Variants in TNC observed in about 807,000 individuals in gnomAD.
The protein encoded by TNC is tenascin C.
A neutral mutation model predicts 202.4 loss-of-function variants in TNC; 109 were observed. The observed-to-expected ratio is 0.54, with a 90% confidence interval of 0.46 to 0.63. The LOEUF (loss-of-function observed/expected upper bound fraction) is 0.63. TNC is among the 30% of genes least tolerant of loss of function. TNC has a pLI of 0.00. For synonymous variants in TNC, 1,007 were observed against 1,089.7 expected (o/e 0.92, Z 1.50); for missense variants, 2,756 against 2,833.3 (o/e 0.97, Z 0.62).
intron 1 of TNC, among the ~76,000 whole-genome samples, chr9:115,095,638 GTATATATATATGTATATATATGTA>G (rs1835710356): frequency 2.6e-4 from 1 of 3,888 alleles, no homozygotes; most frequent in African/African-American, 1.1e-3. Context: ...GTATATATAT[GTATATATATATGTATATATATGTA>G]TATATATATG....
chr9:115,040,237 A>G (rs1330991540), intron 19 of TNC, among the ~76,000 whole-genome samples: 2 of 152,158 alleles, frequency 1.3e-5, no homozygotes, highest in African/African-American at 4.8e-5. Flanking sequence ...GCATTTACTA[A>G]TTATGTGGGC....
intron 19 of TNC, among the ~76,000 whole-genome samples, chr9:115,039,561 T>G (rs1039409124): frequency 6.6e-6 from 1 of 152,226 alleles, no homozygotes; most frequent in African/African-American, 2.4e-5. Flanking sequence ...GACCATTTCC[T>G]CTTGCTTTTG....
chr9:115,059,465 A>G (rs1247102813), intron 14 of TNC, among the ~76,000 whole-genome samples: 2 of 152,192 alleles, frequency 1.3e-5, no homozygotes. Flanking sequence ...ATCATTCAAA[A>G]AAGATGTAGA....
chr9:115,048,426 C>T lies in TNC; in HGVS notation c.4686G>A (p.Thr1562=), dbSNP rs778311258. Residue 1562 remains threonine, a synonymous_variant, in exon 16 of 28, where the codon ACG becomes ACA. Transcript: ENST00000350763. ...SENAFDSFLV[T]VVDSGKLLDP... Reference sequence around the variant, plus strand: ...CCAGCAGCTTCCCAGAATCCACCACCGTTACTAGAAAGCTGTCAAAGGCAT... The same window carrying T: ...CCAGCAGCTTCCCAGAATCCACCACTGTTACTAGAAAGCTGTCAAAGGCAT... The T allele has an allele frequency of 3.7e-6, 6 of 1,613,996 alleles. No homozygotes were observed. The highest frequency in any genetic ancestry group is 2.2e-5 in the South Asian group (2 of 91,068).
intron 25 of TNC, among the ~76,000 whole-genome samples, chr9:115,027,820 A>G (rs1260934352): frequency 6.6e-6 from 1 of 152,104 alleles, no homozygotes; most frequent in Non-Finnish European, 1.5e-5. Context: ...ATTTCAGCTC[A>G]ACTGTTCATT....
At chr9:115,072,280 T>C (rs1174907116) in intron 10 of TNC, among the ~76,000 whole-genome samples, 1 of 152,228 alleles carries the variant, frequency 6.6e-6, no homozygotes, top group Non-Finnish European at 1.5e-5. Context: ...ACAGCAGCCA[T>C]GTTGTGACAC....
intron 5 of TNC, 48 bp downstream of exon 5, chr9:115,082,644 C>T (rs1304493497): frequency 1.4e-6 from 2 of 1,415,502 alleles, no homozygotes; most frequent in Non-Finnish European, 2.0e-6. Context: ...CTTTGGTCAT[C>T]TTTCAAATCC....
intron 1 of TNC, among the ~76,000 whole-genome samples, chr9:115,098,349 A>T (rs959441526): frequency 1.5e-4 from 23 of 152,144 alleles, no homozygotes; most frequent in African/African-American, 5.6e-4. Context: ...CTTGCTGTCA[A>T]ATCCTTCTTT....
rs772093660 is a variant in TNC, at chr9:115,041,054, G to A, written c.5279C>T (p.Thr1760Ile). 1.2e-6 allele frequency: 2 copies of A among 1,614,028 alleles called. No individual in the cohort carries two copies. Among genetic ancestry groups the A allele is most frequent in the East Asian group, 2.2e-5 (1 of 44,878 alleles). ...TTTCACCAGCCTGGTCTGAGTCTTGGTTCCGTCCACAGTTACCATGGAGGG... is the reference window on the plus strand; with the variant it reads ...TTTCACCAGCCTGGTCTGAGTCTTGATTCCGTCCACAGTTACCATGGAGGG... ...GTPSMVTVDG[T>I]KTQTRLVKLI... The change falls in exon 19 of 28, where the codon ACC becomes ATC. Residue 1760 changes from threonine to isoleucine, a missense_variant. Coordinates refer to ENST00000350763, the MANE Select transcript of TNC (RefSeq NM_002160.4).
At chr9:115,070,745 T>G (rs1051298180) in intron 10 of TNC, among the ~76,000 whole-genome samples, 6 of 152,154 alleles carry the variant, frequency 3.9e-5, no homozygotes, top group Non-Finnish European at 8.8e-5. Flanking sequence ...AGCTGGAAGG[T>G]TCTTGCTTCT....
intron 15 of TNC, 133 bp from the exon 16 acceptor site, chr9:115,048,665 A>C: frequency 1.1e-6 from 1 of 918,410 alleles, no homozygotes; most frequent in Non-Finnish European, 1.6e-6. Context: ...GAAAATGAAA[A>C]TTCAGTAAGA....
intron 16 of TNC, among the ~76,000 whole-genome samples, chr9:115,047,955 C>T (rs1831331488): frequency 6.6e-6 from 1 of 152,020 alleles, no homozygotes; most frequent in South Asian, 2.1e-4. Flanking sequence ...GGGGACCAGC[C>T]AGGTTGATCA....
chr9:115,076,084 A>G lies in TNC; in HGVS notation c.2898T>C (p.Ser966=), dbSNP rs750335477. Residue 966 remains serine, a synonymous_variant, in exon 9 of 28, where the codon TCT becomes TCC. Coordinates refer to ENST00000350763, the MANE Select transcript of TNC (RefSeq NM_002160.4). ...RPGTEYGIGV[S]AVKEDKESNP... is the part of the protein sequence containing the mutation. ...TGCTCTCCTTGTCTTCCTTCACAGC[A>G]GAAACTCCAATCCCATATTCAGTTC... 33 of 1,614,072 alleles carry G rather than the reference A, an allele frequency of 2.0e-5. No homozygotes were observed. Among genetic ancestry groups the G allele is most frequent in the Non-Finnish European group, 2.7e-5 (32 of 1,180,044 alleles).
chr9:115,071,472 C>T (rs543280406), intron 10 of TNC, among the ~76,000 whole-genome samples: 3 of 152,186 alleles, frequency 2.0e-5, no homozygotes, highest in Non-Finnish European at 4.4e-5. Flanking sequence ...GCTAGTAAAT[C>T]TCCTGGTTAT....
rs1245145629 is a variant in TNC at position 115,078,000 on chromosome 9, G to T, written c.2617C>A (p.Leu873Ile). The T allele has an allele frequency of 6.2e-7, 1 of 1,614,112 alleles. No individual in the cohort carries two copies. Among genetic ancestry groups the T allele is most frequent in the Non-Finnish European group, 8.5e-7 (1 of 1,180,040 alleles). The stretch of plus-strand genomic sequence containing the variant: ...GACATGTCACCTCTGCGGGAGATGA[G>T]GGACACCTCGTACTCAGTGTCAGGC... ...LKPDTEYEVS[L>I]ISRRGDMSSN... The change falls in exon 7 of 28, where the codon CTC becomes ATC. Residue 873 changes from leucine to isoleucine, a missense_variant. This residue lies in a region of TNC where 2,559 missense variants were observed against 2,546.0 expected (regional missense o/e 1.01). Coordinates refer to ENST00000350763, the MANE Select transcript of TNC (RefSeq NM_002160.4).
Position 115,029,469 on chromosome 9 carries a change from C to T in TNC, c.6073-13G>A, listed in dbSNP as rs201793447. The T allele has an allele frequency of 6.2e-6, 10 of 1,613,088 alleles. No homozygotes were observed. The highest frequency in any genetic ancestry group is 1.7e-4 in the Middle Eastern group (1 of 6,058). On this transcript the variant is annotated splice_polypyrimidine_tract_variant and intron_variant, in intron 24 of 27. Coordinates refer to ENST00000350763, the MANE Select transcript of TNC (RefSeq NM_002160.4). ...GTCTCAGGAACACCTATAAACATATCGATGAATCTGGGTGTACTTAAGCTA... is the reference window on the plus strand; with the variant it reads ...GTCTCAGGAACACCTATAAACATATTGATGAATCTGGGTGTACTTAAGCTA...
chr9:115,060,622 A>G (rs1201893097), intron 13 of TNC, among the ~76,000 whole-genome samples: 1 of 152,228 alleles, frequency 6.6e-6, no homozygotes, highest in Non-Finnish European at 1.5e-5. Flanking sequence ...TTTCTTACTC[A>G]TGTCAGGGAG....
At chr9:115,048,194 C>A in intron 16 of TNC, 66 bp downstream of exon 16, 20 of 1,563,228 alleles carry the variant, frequency 1.3e-5, no homozygotes, top group Non-Finnish European at 1.6e-5. Context: ...TCATGGCGAT[C>A]CGGTAGACAG....
intron 9 of TNC, 74 bp downstream of exon 9, chr9:115,075,958 G>T: frequency 7.5e-7 from 1 of 1,327,162 alleles, no homozygotes; most frequent in Non-Finnish European, 1.1e-6. Flanking sequence ...CTTTAAATAG[G>T]TTTTGGCCAC....
Sources: gnomAD v4.1 joint callset for allele counts (sites outside exome capture counted in the v4.1 genomes callset) on GRCh38, gnomAD v4.1.1 for gene constraint, gnomAD v4.1.1 regional missense constraint, MANE v1.5 for transcripts, NCBI Gene and HGNC (gene_info 2026-07-23, HGNC 2026-07-21) for gene names.